The following DLG2 variants were observed in gnomAD, a reference collection of about 807,000 sequenced individuals.
DLG2 encodes the protein discs large MAGUK scaffold protein 2.
DLG2 carries 45 observed loss-of-function variants against 132.5 expected under a neutral mutation model. The observed-to-expected ratio is 0.34, with a 90% CI of 0.27 to 0.44. The LOEUF is 0.44. DLG2 is among the 20% of genes least tolerant of loss of function. The pLI, the probability that DLG2 is intolerant of heterozygous loss-of-function variation, is 1.00. For missense variants in DLG2, 1,045 were observed against 1,196.9 expected, an observed-to-expected ratio of 0.87 and a Z score of 1.87; for synonymous variants, 424 against 419.6, an observed-to-expected ratio of 1.01 and a Z score of -0.13.
chr11:84,818,786 G>T (rs959557651), intron 6 of DLG2, among the ~76,000 whole-genome samples: 26 of 151,902 alleles, frequency 1.7e-4, no homozygotes, highest in African/African-American at 6.3e-4. Flanking sequence ...AGAGGTATAT[G>T]ACTTGCCCAA....
At chr11:83,619,543 G>T (rs113340695) in intron 19 of DLG2, among the ~76,000 whole-genome samples, 1,846 of 152,244 alleles carry the variant, frequency 0.012, 11 homozygotes, top group Non-Finnish European at 0.018. Context: ...AATGGGAATA[G>T]TAATGATGCT....
At chr11:84,954,818 A>G (rs2051424804) in intron 6 of DLG2, among the ~76,000 whole-genome samples, 2 of 152,284 alleles carry the variant, frequency 1.3e-5, no homozygotes, top group East Asian at 1.9e-4. Context: ...CAAGCACAGG[A>G]CACACAATTA....
chr11:84,824,019 A>G (rs1782429828), intron 6 of DLG2, among the ~76,000 whole-genome samples: 1 of 151,918 alleles, frequency 6.6e-6, no homozygotes, highest in Non-Finnish European at 1.5e-5. Flanking sequence ...CAATCTCTGT[A>G]TAGAGGTTGG....
At chr11:84,025,154 G>C (rs2095505309) in intron 11 of DLG2, among the ~76,000 whole-genome samples, 1 of 152,128 alleles carries the variant, frequency 6.6e-6, no homozygotes, top group African/African-American at 2.4e-5. Context: ...TCAGTTGGTG[G>C]TTGCAATTTA....
intron 15 of DLG2, among the ~76,000 whole-genome samples, chr11:83,881,059 T>G (rs1193879316): frequency 6.6e-6 from 1 of 151,812 alleles, no homozygotes; most frequent in Non-Finnish European, 1.5e-5. Context: ...AAAAAAATGA[T>G]AAAAACCGTG....
rs1251519644 is a variant in DLG2 at position 84,317,483 on chromosome 11, C to T, written c.520-66192G>A. The T allele has an allele frequency of 1.9e-5, 11 of 590,514 alleles. No homozygotes were observed. The Admixed American group carries it at 5.3e-4, about 28-fold the overall frequency. The allele number at this position is 590,514 out of a possible 1,614,324, so 36.6% of individuals were successfully genotyped here. A position where few individuals can be genotyped will look rare whatever the true frequency, so the allele number is the denominator to read the frequency against. ...TTACAAACCCTTTTTGGATGGAGCC[C>T]TACAGTAAAGAATAACTCTTTGCTG... On this transcript the variant is annotated intron_variant, in intron 7 of 27. Transcript: ENST00000376104.
intron 6 of DLG2, among the ~76,000 whole-genome samples, chr11:84,757,069 T>C (rs1270487508): frequency 5.9e-5 from 9 of 152,148 alleles, no homozygotes; most frequent in Admixed American, 5.9e-4. Context: ...ATTATGCTTG[T>C]TAGGTAACAA....
chr11:85,518,467 A>G (rs1456017195), intron 3 of DLG2, among the ~76,000 whole-genome samples: 1 of 152,182 alleles, frequency 6.6e-6, no homozygotes, highest in African/African-American at 2.4e-5. Context: ...AGAGAGATGA[A>G]TGATTTAGGA....
chr11:83,872,710 A>G (rs992813243), intron 16 of DLG2, among the ~76,000 whole-genome samples: 2 of 152,220 alleles, frequency 1.3e-5, no homozygotes, highest in Non-Finnish European at 2.9e-5. Context: ...AAAGAAAACA[A>G]AAGTTTGGAG....
At chr11:84,035,697 T>C (rs1411642437) in intron 11 of DLG2, among the ~76,000 whole-genome samples, 4 of 152,106 alleles carry the variant, frequency 2.6e-5, no homozygotes, top group East Asian at 1.9e-4. Flanking sequence ...CCCTAATTTA[T>C]GTCTTTAAAA....
At position 85,601,401 on chromosome 11, in the gene DLG2, C is replaced by T. The variant is rs146196408; in HGVS notation, c.-92-2613G>A. On this transcript the variant is annotated intron_variant, in intron 2 of 27. Coordinates refer to ENST00000376104, the MANE Select transcript of DLG2 (RefSeq NM_001142699.3). ...TGTTGCCCAGGCTGGAGTGCAGTGG[C>T]GTGATCTCGGCTCACTGCAACCTCC... Among the ~76,000 whole-genome samples the T allele has an allele frequency of 5.4e-3, 813 of 151,620 alleles. 9 individuals carry two copies. The highest frequency in any genetic ancestry group is 0.018 in the African/African-American group (753 of 41,294).
chr11:83,710,146 C>G (rs2085050358), intron 18 of DLG2, among the ~76,000 whole-genome samples: 1 of 150,674 alleles, frequency 6.6e-6, no homozygotes, highest in African/African-American at 2.5e-5. Context: ...GGAATGAAGC[C>G]CAGCACAGCA....
rs142166108 is a variant in DLG2, at chr11:84,887,030, G to C, written c.357+224631C>G. 6.9e-3 allele frequency among the ~76,000 whole-genome samples: 1,048 copies of C among 152,180 alleles called. 13 individuals carry two copies. Among genetic ancestry groups the C allele is most frequent in the African/African-American group, 0.023 (948 of 41,534 alleles). On this transcript the variant is annotated intron_variant, in intron 6 of 27. Coordinates refer to ENST00000376104, the MANE Select transcript of DLG2 (RefSeq NM_001142699.3). ...ACTGAAGAGATTCTCTCTCTGTTAA[G>C]GGAGAAGTGTTGATGTGGACTTGAA...
intron 11 of DLG2, among the ~76,000 whole-genome samples, chr11:84,015,503 T>C (rs910781620): frequency 6.6e-5 from 10 of 152,150 alleles, no homozygotes; most frequent in Non-Finnish European, 1.3e-4. Context: ...CCAGCATCTA[T>C]TAGCTATTCT....
chr11:84,133,244 T>C (rs1249684676), intron 9 of DLG2, among the ~76,000 whole-genome samples: 3 of 152,024 alleles, frequency 2.0e-5, no homozygotes, highest in Non-Finnish European at 4.4e-5. Context: ...CAAAGTCTAA[T>C]ATCTTCAACA....
chr11:84,371,720 G>T (rs1053057659), intron 7 of DLG2, among the ~76,000 whole-genome samples: 2 of 152,042 alleles, frequency 1.3e-5, no homozygotes, highest in Admixed American at 6.6e-5. Flanking sequence ...GAGCTCAACT[G>T]GTTAGTTAAC....
intron 4 of DLG2, among the ~76,000 whole-genome samples, chr11:85,184,169 C>G (rs917422918): frequency 1.3e-5 from 2 of 151,754 alleles, no homozygotes; most frequent in African/African-American, 2.4e-5. Flanking sequence ...TGGAAGGGAC[C>G]AGAGCATGAT....
intron 18 of DLG2, among the ~76,000 whole-genome samples, chr11:83,668,491 A>C (rs2076123637): frequency 6.6e-6 from 1 of 152,082 alleles, no homozygotes; most frequent in Non-Finnish European, 1.5e-5. Context: ...AGTTTTTCTT[A>C]GCCCTACTAA....
At chr11:85,132,923 C>G (rs534108907) in intron 5 of DLG2, 1 of 433,940 alleles carries the variant, frequency 2.3e-6, no homozygotes, top group East Asian at 7.1e-5. Flanking sequence ...ACGGCTTTTC[C>G]AAGGGGGCCC....
Sources: gnomAD v4.1 joint callset for allele counts (sites outside exome capture counted in the v4.1 genomes callset) on GRCh38, gnomAD v4.1.1 for gene constraint, MANE v1.5 for transcripts, NCBI Gene and HGNC (gene_info 2026-07-23, HGNC 2026-07-21) for gene names.